Variants in GNPTAB observed in about 807,000 individuals in gnomAD.
The protein encoded by GNPTAB is N-acetylglucosamine-1-phosphate transferase subunits alpha and beta.
Under a neutral mutation model 136.6 loss-of-function variants are expected in GNPTAB, and 92 were observed. That is an observed-to-expected ratio of 0.67 (90% CI 0.57 to 0.80). The LOEUF is 0.80. Ranked by LOEUF, GNPTAB falls within the 30% of genes least tolerant of loss-of-function variation. The probability of loss-of-function intolerance (pLI) is 0.00; values close to 1 mark genes in which losing one functional copy is unlikely to be tolerated. For synonymous variants in GNPTAB, 512 were observed against 535.1 expected (o/e 0.96, Z 0.60); for missense variants, 1,343 against 1,501.8 (o/e 0.89, Z 1.75).
chr12:101,764,680 G>A lies in GNPTAB; in HGVS notation c.2237C>T (p.Ala746Val), dbSNP rs543194251. 1 of 1,612,564 alleles carries A rather than the reference G, an allele frequency of 6.2e-7. No individual in the cohort carries two copies. The highest frequency in any genetic ancestry group is 1.3e-5 in the African/African-American group (1 of 74,864). ...TATTATAGCTTGATTTTTTATTTTAGCATGCTGTGAGTTCATCAGAAATGA... is the reference window on the plus strand; with the variant it reads ...TATTATAGCTTGATTTTTTATTTTAACATGCTGTGAGTTCATCAGAAATGA... ...LRSFLMNSQH[A>V]KIKNQAIITD... Residue 746 changes from alanine (A) to valine (V), a missense_variant, in exon 13 of 21, where the codon GCT becomes GTT. Ala to Val is a moderately conservative substitution (Grantham distance 64). Transcript: ENST00000299314.
chr12:101,813,282 C>A (rs1359630819), intron 1 of GNPTAB, among the ~76,000 whole-genome samples: 1 of 152,158 alleles, frequency 6.6e-6, no homozygotes, highest in Admixed American at 6.5e-5. Context: ...ACAGCCCACA[C>A]AAAAAACAGG....
In GNPTAB at chr12:101,764,760, T is replaced by C. The variant is rs1953059995; in HGVS notation, c.2157A>G (p.Glu719=). The C allele has an allele frequency of 6.2e-7, 1 of 1,614,072 alleles. No individual in the cohort carries two copies. ...LSLNTLDLQL[E]HGDITLKGYN... is the part of the protein sequence containing the mutation. ...ATCCTTTCAAAGTGATGTCTCCATG[T>C]TCCAGTTGCAAATCCAAGGTATTGA... The change falls in exon 13 of 21, where the codon GAA becomes GAG. Residue 719 remains glutamate (E), a synonymous_variant. Transcript: ENST00000299314.
At chr12:101,823,764 G>C (rs80220064) in intron 1 of GNPTAB, among the ~76,000 whole-genome samples, 1,685 of 152,234 alleles carry the variant, frequency 0.011, 19 homozygotes, top group Non-Finnish European at 0.014. Context: ...GATCATCACT[G>C]AAAGATTTAT....
chr12:101,811,504 G>C (rs555389233), intron 1 of GNPTAB, among the ~76,000 whole-genome samples: 6 of 151,690 alleles, frequency 4.0e-5, no homozygotes, highest in Non-Finnish European at 7.4e-5. Context: ...TCACAGTTCT[G>C]CAGGATGTAC....
At chr12:101,795,718 G>A (rs976879777) in intron 2 of GNPTAB, among the ~76,000 whole-genome samples, 3 of 151,482 alleles carry the variant, frequency 2.0e-5, no homozygotes, top group South Asian at 2.1e-4. Context: ...GTGCCACTGC[G>A]CTCCAGCCTG....
intron 18 of GNPTAB, among the ~76,000 whole-genome samples, chr12:101,754,414 A>T (rs147226552): frequency 1.2e-3 from 183 of 152,150 alleles, no homozygotes; most frequent in African/African-American, 4.2e-3. Context: ...CTGGGTGATA[A>T]AGCGAGACTC....
At chr12:101,799,957 C>T (rs1869519632) in intron 1 of GNPTAB, among the ~76,000 whole-genome samples, 1 of 152,186 alleles carries the variant, frequency 6.6e-6, no homozygotes, top group East Asian at 1.9e-4. Context: ...TAGAAGAGAA[C>T]CCCAATAGAG....
intron 5 of GNPTAB, chr12:101,785,625 A>T (rs929378037): frequency 5.2e-6 from 1 of 192,242 alleles, no homozygotes; most frequent in Non-Finnish European, 1.1e-5. Flanking sequence ...AAACACATTC[A>T]GTTCATATAT....
At chr12:101,808,880 G>A (rs749292787) in intron 1 of GNPTAB, among the ~76,000 whole-genome samples, 22 of 152,174 alleles carry the variant, frequency 1.4e-4, no homozygotes, top group Non-Finnish European at 2.4e-4. Flanking sequence ...CCCGGGAGGC[G>A]GAGGCTACGG....
intron 2 of GNPTAB, among the ~76,000 whole-genome samples, chr12:101,790,269 A>G (rs1286959230): frequency 6.6e-6 from 1 of 152,188 alleles, no homozygotes; most frequent in South Asian, 2.1e-4. Context: ...GTATTATGCT[A>G]GACACTTAGG....
At chr12:101,821,214 CA>C (rs1870778533) in intron 1 of GNPTAB, among the ~76,000 whole-genome samples, 1 of 152,176 alleles carries the variant, frequency 6.6e-6, no homozygotes, top group Admixed American at 6.5e-5. Flanking sequence ...ACTGCACCAC[CA>C]GAATATAAGC....
intron 2 of GNPTAB, chr12:101,795,771 A>G (rs1869247495): frequency 6.6e-6 from 1 of 151,918 alleles, no homozygotes; most frequent in Admixed American, 6.6e-5. Flanking sequence ...TAAAAATAAA[A>G]ATAAAATAAA....
intron 12 of GNPTAB, 192 bp downstream of exon 12, chr12:101,765,899 C>A: frequency 3.4e-6 from 2 of 589,066 alleles, no homozygotes; most frequent in Non-Finnish European, 6.1e-6. Context: ...CACCAGACTG[C>A]AACAATAACA....
chr12:101,789,463 ACTAT>A (rs1868854987), intron 3 of GNPTAB, among the ~76,000 whole-genome samples: 2 of 151,098 alleles, frequency 1.3e-5, no homozygotes, highest in Non-Finnish European at 2.9e-5. Context: ...TACCCACAGG[ACTAT>A]GTGTTTTGTT....
intron 1 of GNPTAB, among the ~76,000 whole-genome samples, chr12:101,827,570 T>C (rs929772585): frequency 6.6e-6 from 1 of 152,156 alleles, no homozygotes; most frequent in Non-Finnish European, 1.5e-5. Flanking sequence ...TCAATTCTAC[T>C]TCTCGAAGTT....
chr12:101,766,225 C>A lies in GNPTAB; in HGVS notation c.1478G>T (p.Trp493Leu). ...ACTGTTTATTCCTCCACCAAACTGC[C>A]AGGGCTGTCCAACTCCAATACTCCC... is the stretch of plus-strand genomic sequence containing the variant. The part of the protein sequence containing the change: ...GTGSIGVGQP[W>L]QFGGGINSVS... Residue 493 changes from tryptophan (W) to leucine (L), a missense_variant, in exon 12 of 21, where the codon TGG becomes TTG. Transcript: ENST00000299314. The A allele has an allele frequency of 6.2e-7, 1 of 1,614,140 alleles. No individual in the cohort carries two copies. Among genetic ancestry groups the A allele is most frequent in the Non-Finnish European group, 8.5e-7 (1 of 1,179,986 alleles).
intron 1 of GNPTAB, among the ~76,000 whole-genome samples, chr12:101,817,496 TGA>T (rs1870567052): frequency 6.6e-6 from 1 of 151,994 alleles, no homozygotes; most frequent in Non-Finnish European, 1.5e-5. Context: ...CTTGAACACC[TGA>T]GTTCAAGCAA....
chr12:101,766,097 C>T lies in GNPTAB; in HGVS notation c.1606G>A (p.Gly536Arg), dbSNP rs1953088749. 2 of 1,613,700 alleles carry T rather than the reference C, an allele frequency of 1.2e-6. No homozygotes were observed. Reference protein sequence around the residue: ...LSCGFDAGDCGQDHFHELYKV... With the variant: ...LSCGFDAGDCRQDHFHELYKV... ...TGTTTGGCAGTAAACATACCTTGCCCACAGTCGCCAGCATCAAACCCACAG... is the reference window on the plus strand; with the variant it reads ...TGTTTGGCAGTAAACATACCTTGCCTACAGTCGCCAGCATCAAACCCACAG... Residue 536 changes from glycine to arginine, a missense_variant, in exon 12 of 21, where the codon GGG (glycine) becomes AGG (arginine). Transcript: ENST00000299314.
intron 1 of GNPTAB, among the ~76,000 whole-genome samples, chr12:101,821,978 G>C (rs1870823905): frequency 6.6e-6 from 1 of 152,158 alleles, no homozygotes; most frequent in African/African-American, 2.4e-5. Context: ...ATTATTATCA[G>C]ATTCTTAGGA....
Sources: allele counts gnomAD v4.1 joint callset (sites outside exome capture counted in the v4.1 genomes callset), GRCh38; gene constraint gnomAD v4.1.1; transcripts MANE v1.5; gene names NCBI Gene and HGNC (gene_info 2026-07-23, HGNC 2026-07-21).